Variants in UBE3C observed in about 807,000 individuals in gnomAD.
UBE3C encodes ubiquitin-protein ligase E3C.
In UBE3C, 42 loss-of-function variants were observed where a neutral mutation model predicts 129.4. That is an observed-to-expected ratio of 0.32 (90% CI 0.25 to 0.42). UBE3C has a LOEUF of 0.42. Among genes scored for constraint, UBE3C ranks in the 10% least tolerant of loss-of-function variants. UBE3C has a pLI of 1.00. For missense variants in UBE3C, 1,049 were observed against 1,319.1 expected (o/e 0.80, Z 3.17); for synonymous variants, 510 against 492.4 (o/e 1.04, Z -0.47).
intron 16 of UBE3C, among the ~76,000 whole-genome samples, chr7:157,223,785 T>G (rs140209508): frequency 6.6e-6 from 1 of 152,200 alleles, no homozygotes; most frequent in East Asian, 1.9e-4. Flanking sequence ...TTGGGCGTGG[T>G]GGCATGTACC....
intron 18 of UBE3C, among the ~76,000 whole-genome samples, chr7:157,237,314 G>C (rs796717171): frequency 2.6e-5 from 4 of 151,670 alleles, no homozygotes; most frequent in Non-Finnish European, 2.9e-5. Context: ...GGTGGCGGGC[G>C]CCTGTAGTCC....
chr7:157,217,436 G>GCCA (rs1210034207), intron 14 of UBE3C, among the ~76,000 whole-genome samples: 2 of 151,470 alleles, frequency 1.3e-5, no homozygotes, highest in African/African-American at 4.8e-5. Flanking sequence ...ACAGACGTAA[G>GCCA]CCACCACACC....
At chr7:157,209,093 CT>C (rs1247203303) in intron 13 of UBE3C, among the ~76,000 whole-genome samples, 1 of 152,164 alleles carries the variant, frequency 6.6e-6, no homozygotes, top group African/African-American at 2.4e-5. Context: ...GCTAATGGAA[CT>C]TTCTTCTTGG....
At chr7:157,252,324 ATAGC>A (rs1159428543) in intron 19 of UBE3C, among the ~76,000 whole-genome samples, 1 of 152,194 alleles carries the variant, frequency 6.6e-6, no homozygotes, top group Non-Finnish European at 1.5e-5. Flanking sequence ...TTGAAATATA[ATAGC>A]TAGCCTCCTG....
chr7:157,140,346 G>A (rs1807408794), intron 1 of UBE3C, among the ~76,000 whole-genome samples: 2 of 152,186 alleles, frequency 1.3e-5, no homozygotes, highest in African/African-American at 4.8e-5. Context: ...GTGTTTGGTG[G>A]TTTCTGAGGT....
intron 10 of UBE3C, among the ~76,000 whole-genome samples, chr7:157,197,255 T>A (rs1809146874): frequency 6.6e-6 from 1 of 152,228 alleles, no homozygotes; most frequent in African/African-American, 2.4e-5. Flanking sequence ...GAAACTTTAG[T>A]GCAAATTTTA....
intron 1 of UBE3C, among the ~76,000 whole-genome samples, chr7:157,158,846 G>T (rs1807989693): frequency 6.6e-6 from 1 of 152,170 alleles, no homozygotes; most frequent in Admixed American, 6.5e-5. Flanking sequence ...TAGACTCCAA[G>T]TGTGTTGAAT....
intron 10 of UBE3C, among the ~76,000 whole-genome samples, chr7:157,190,812 C>G (rs1263861656): frequency 6.6e-6 from 1 of 152,214 alleles, no homozygotes; most frequent in African/African-American, 2.4e-5. Context: ...ATTTCTAGCA[C>G]AAAATACTTT....
intron 14 of UBE3C, among the ~76,000 whole-genome samples, chr7:157,218,318 G>A (rs117850363): frequency 0.025 from 3,735 of 151,894 alleles, 75 homozygotes; most frequent in Admixed American, 0.052. Context: ...GGTGGTGTGC[G>A]CCTATAGTCC....
chr7:157,189,221 A>G (rs1335447505), intron 10 of UBE3C: 4 of 354,724 alleles, frequency 1.1e-5, no homozygotes, highest in South Asian at 3.0e-4. Context: ...CTATTTTTAT[A>G]TCACTTTTAA....
intron 15 of UBE3C, 101 bp from the exon 16 acceptor site, chr7:157,223,153 G>A: frequency 1.6e-6 from 2 of 1,234,920 alleles, no homozygotes; most frequent in Non-Finnish European, 2.4e-6. Flanking sequence ...AGATAAATGA[G>A]TTAATCAGGA....
At chr7:157,196,515 T>G (rs1283477011) in intron 10 of UBE3C, among the ~76,000 whole-genome samples, 1 of 152,220 alleles carries the variant, frequency 6.6e-6, no homozygotes, top group Admixed American at 6.5e-5. Flanking sequence ...GGAGAAGACG[T>G]TCTAGGTTGA....
chr7:157,220,353 G>A (rs1795703194), intron 14 of UBE3C, among the ~76,000 whole-genome samples: 1 of 151,898 alleles, frequency 6.6e-6, no homozygotes, highest in East Asian at 1.9e-4. Flanking sequence ...GTGAATTTTT[G>A]ATAATAATAA....
In UBE3C at chr7:157,182,288, G is replaced by T; in HGVS notation, c.951G>T (p.Trp317Cys). ...CAAGAAAGAGTGGTGGAGCACCCTG[G>T]CTTTTCTATTTCGTTTTAACTGTTG... ...RCSRKSGGAPWLFYFVLTVGE... is the reference protein window; with the variant it reads ...RCSRKSGGAPCLFYFVLTVGE... Residue 317 changes from tryptophan (W) to cysteine (C), a missense_variant, in exon 8 of 23, where the codon TGG becomes TGT. Physicochemically the swap from Trp to Cys is radical, Grantham distance 215 (BLOSUM62 -2). Transcript: ENST00000348165. The T allele has an allele frequency of 6.2e-7, 1 of 1,613,810 alleles. No homozygotes were observed. Among genetic ancestry groups the T allele is most frequent in the Non-Finnish European group, 8.5e-7 (1 of 1,179,940 alleles).
intron 18 of UBE3C, among the ~76,000 whole-genome samples, chr7:157,241,911 T>G (rs1487230083): frequency 6.6e-6 from 1 of 152,028 alleles, no homozygotes; most frequent in Non-Finnish European, 1.5e-5. Flanking sequence ...GATGCAGAGA[T>G]CACCAAAGAC....
intron 18 of UBE3C, among the ~76,000 whole-genome samples, chr7:157,247,788 T>G (rs765169345): frequency 4.6e-5 from 7 of 152,208 alleles, no homozygotes; most frequent in Non-Finnish European, 1.0e-4. Flanking sequence ...TGACACATTG[T>G]CCATGGCTGC....
chr7:157,251,050 T>TGTATG (rs2116687433), intron 19 of UBE3C, among the ~76,000 whole-genome samples: 1 of 152,312 alleles, frequency 6.6e-6, no homozygotes, highest in African/African-American at 2.4e-5. Flanking sequence ...TAAAAAATTA[T>TGTATG]AGATAATGTA....
chr7:157,155,560 TAAA>T (rs1243672114), intron 1 of UBE3C, among the ~76,000 whole-genome samples: 1 of 152,218 alleles, frequency 6.6e-6, no homozygotes, highest in Non-Finnish European at 1.5e-5. Flanking sequence ...TTTTTTAACA[TAAA>T]AATTTTATTC....
rs538803487 is a variant in UBE3C at position 157,171,073 on chromosome 7, A to T, written c.342+623A>T. 2.2e-4 allele frequency among the ~76,000 whole-genome samples: 34 copies of T among 151,754 alleles called. No homozygotes were observed. In the South Asian group the frequency reaches 4.2e-3, roughly 19 times the overall value. ...GTGATTTTTCCCTCCCTGGCCTCTC[A>T]AAGTGCTGGAATTATAGGCGTGAGC... On this transcript the variant is annotated intron_variant, in intron 4 of 22. Transcript: ENST00000348165.
Sources: allele counts gnomAD v4.1 joint callset (sites outside exome capture counted in the v4.1 genomes callset), GRCh38; gene constraint gnomAD v4.1.1; transcripts MANE v1.5; gene names NCBI Gene and HGNC (gene_info 2026-07-23, HGNC 2026-07-21).